The following SCFD2 variants were observed in gnomAD, a reference collection of about 807,000 sequenced individuals.
SCFD2 encodes sec1 family domain-containing protein 2.
In SCFD2, 54 loss-of-function variants were observed where a neutral mutation model predicts 58.9. The observed-to-expected ratio is 0.92, with a 90% CI of 0.74 to 1.15. The LOEUF is 1.15. Among genes scored for constraint, SCFD2 ranks in the 50% most tolerant of loss-of-function variants. The pLI, the probability that SCFD2 is intolerant of heterozygous loss-of-function variation, is 0.00. For missense variants in SCFD2, 805 were observed against 836.6 expected (o/e 0.96, Z 0.47); for synonymous variants, 321 against 335.9 (o/e 0.96, Z 0.49).
chr4:52,948,579 T>C (rs1468500162), intron 5 of SCFD2: 4 of 455,172 alleles, frequency 8.8e-6, no homozygotes, highest in South Asian at 1.6e-5. Context: ...ATTCTGTTCC[T>C]AGTGGGGACA....
chr4:52,916,446 C>T (rs557515344), intron 6 of SCFD2, among the ~76,000 whole-genome samples: 26 of 152,280 alleles, frequency 1.7e-4, no homozygotes, highest in Middle Eastern at 3.4e-3. Context: ...TGATGGCGCG[C>T]GCCTGTAGTC....
At chr4:53,282,958 A>C (rs1272553547) in intron 3 of SCFD2, among the ~76,000 whole-genome samples, 1 of 152,244 alleles carries the variant, frequency 6.6e-6, no homozygotes, top group Non-Finnish European at 1.5e-5. Context: ...GGCTCTGAGC[A>C]CAGAAGGAGC....
intron 4 of SCFD2, among the ~76,000 whole-genome samples, chr4:53,201,133 C>A (rs1335393590): frequency 6.6e-6 from 1 of 151,950 alleles, no homozygotes; most frequent in African/African-American, 2.4e-5. Flanking sequence ...ATTAATTCGT[C>A]ATTTAGCATT....
intron 5 of SCFD2, among the ~76,000 whole-genome samples, chr4:52,962,168 T>C (rs1288019694): frequency 2.0e-5 from 3 of 152,198 alleles, no homozygotes; most frequent in Non-Finnish European, 4.4e-5. Context: ...TGCATATGGG[T>C]TGGACAAGAC....
At chr4:53,146,153 T>C (rs1296571251) in intron 4 of SCFD2, among the ~76,000 whole-genome samples, 1 of 152,308 alleles carries the variant, frequency 6.6e-6, no homozygotes, top group East Asian at 1.9e-4. Flanking sequence ...GTTCAAAATT[T>C]CTTTGAGTGA....
chr4:52,983,882 T>G (rs1168640402), intron 5 of SCFD2, among the ~76,000 whole-genome samples: 4 of 152,240 alleles, frequency 2.6e-5, no homozygotes, highest in Non-Finnish European at 5.9e-5. Flanking sequence ...TATCCTTGCC[T>G]ACACCCTTCT....
At chr4:53,202,436 G>GTA (rs1435902668) in intron 4 of SCFD2, among the ~76,000 whole-genome samples, 1 of 150,788 alleles carries the variant, frequency 6.6e-6, no homozygotes, top group African/African-American at 2.4e-5. Context: ...TAGCCTTGTA[G>GTA]TATAGTTTGA....
intron 2 of SCFD2, among the ~76,000 whole-genome samples, chr4:53,343,141 A>C (rs1200762091): frequency 1.3e-5 from 2 of 152,152 alleles, no homozygotes; most frequent in South Asian, 2.1e-4. Flanking sequence ...AGACACAAAA[A>C]ACCCATCAAA....
At chr4:52,874,255 G>A (rs1684248797) in intron 8 of SCFD2, among the ~76,000 whole-genome samples, 194 bp from the exon 9 acceptor site, 1 of 152,240 alleles carries the variant, frequency 6.6e-6, no homozygotes, top group Admixed American at 6.5e-5. Context: ...GGGGGGCACA[G>A]TCTGGGACAG....
chr4:53,055,838 G>C lies in SCFD2; in HGVS notation c.1561+89495C>G, dbSNP rs532929444. On this transcript the variant is annotated intron_variant, in intron 5 of 8. Transcript: ENST00000401642. ...CTTCCTAGGGTCTGGGTATTGGAGT[G>C]TGTGCCCACTTGCTCAGACTCTCTC... 7.2e-5 allele frequency among the ~76,000 whole-genome samples: 11 copies of C among 152,194 alleles called. No individual in the cohort carries two copies. The South Asian group carries it at 2.3e-3, about 32-fold the overall frequency.
chr4:52,982,215 T>A (rs575353090), intron 5 of SCFD2, among the ~76,000 whole-genome samples: 41 of 152,258 alleles, frequency 2.7e-4, no homozygotes, highest in Non-Finnish European at 5.7e-4. Flanking sequence ...AGCATAAGCA[T>A]AATGGTGGTG....
At chr4:53,201,518 A>C (rs373669867) in intron 4 of SCFD2, among the ~76,000 whole-genome samples, 4 of 152,332 alleles carry the variant, frequency 2.6e-5, no homozygotes, top group Middle Eastern at 3.4e-3. Context: ...AGCATGATTT[A>C]TAATCCTTTG....
At chr4:53,272,595 G>T (rs764843222) in intron 4 of SCFD2, among the ~76,000 whole-genome samples, 1 of 151,316 alleles carries the variant, frequency 6.6e-6, no homozygotes, top group Non-Finnish European at 1.5e-5. Flanking sequence ...GCAAACTATC[G>T]CAAGGACAAA....
chr4:53,014,364 T>A (rs557123127), intron 5 of SCFD2, among the ~76,000 whole-genome samples: 1 of 152,212 alleles, frequency 6.6e-6, no homozygotes. Flanking sequence ...AGTCTCTGAT[T>A]TTCACTGGCC....
chr4:53,361,823 T>G (rs1358625453), intron 1 of SCFD2, among the ~76,000 whole-genome samples: 4 of 152,272 alleles, frequency 2.6e-5, no homozygotes, highest in Admixed American at 6.5e-5. Context: ...TGCATTTGTG[T>G]ATTACTAATG....
At chr4:52,917,660 G>A (rs1004855816) in intron 6 of SCFD2, among the ~76,000 whole-genome samples, 1 of 152,186 alleles carries the variant, frequency 6.6e-6, no homozygotes, top group African/African-American at 2.4e-5. Context: ...GCTGTGAAAA[G>A]GTCCTGGCTG....
intron 3 of SCFD2, among the ~76,000 whole-genome samples, chr4:53,277,754 G>C (rs1336913756): frequency 6.6e-6 from 1 of 152,206 alleles, no homozygotes; most frequent in Non-Finnish European, 1.5e-5. Context: ...AAGTGTCTTT[G>C]ATTAAAAAAC....
chr4:52,873,924 A>G lies in SCFD2; in HGVS notation c.*45T>C, dbSNP rs767920057. On this transcript the variant is annotated 3_prime_UTR_variant, in exon 9 of 9. Coordinates refer to ENST00000401642, the MANE Select transcript of SCFD2 (RefSeq NM_152540.4). ...ATTTGGAGTGGTGGCAGAAAATTGC[A>G]TCGGCATTTCCAGCTTGAGTAGGTC... 1.4e-6 allele frequency: 2 copies of G among 1,420,518 alleles called. No homozygotes were observed. The highest frequency in any genetic ancestry group is 1.7e-5 in the Admixed American group (1 of 59,682). 88.0% of individuals were successfully genotyped at this position (1,420,518 alleles called of 1,614,324 possible).
intron 3 of SCFD2, among the ~76,000 whole-genome samples, chr4:53,277,156 G>C (rs919472716): frequency 2.6e-5 from 4 of 152,234 alleles, no homozygotes; most frequent in Non-Finnish European, 1.5e-5. Context: ...CCCTATGCTT[G>C]TAGCCAACAA....
Sources: allele counts gnomAD v4.1 joint callset (sites outside exome capture counted in the v4.1 genomes callset), GRCh38; gene constraint gnomAD v4.1.1; transcripts MANE v1.5; gene names NCBI Gene and HGNC (gene_info 2026-07-23, HGNC 2026-07-21).